The following TXNDC16 variants were observed in gnomAD, a reference collection of about 807,000 sequenced individuals.
TXNDC16 encodes the protein thioredoxin domain containing 16, also known as thioredoxin domain-containing protein 16.
TXNDC16 carries 74 observed loss-of-function variants against 85.6 expected under a neutral mutation model. The observed-to-expected ratio is 0.86, with a 90% CI of 0.72 to 1.05. The LOEUF (loss-of-function observed/expected upper bound fraction) is 1.05, where lower values mean the gene tolerates loss of function less well. TXNDC16 is among the 50% of genes least tolerant of loss of function. The pLI is 0.00. For synonymous variants in TXNDC16, 335 were observed against 326.5 expected, an observed-to-expected ratio of 1.03 and a Z score of -0.28; for missense variants, 959 against 947.0, an observed-to-expected ratio of 1.01 and a Z score of -0.17.
At chr14:52,474,263 C>T (rs1762349606) in intron 14 of TXNDC16, among the ~76,000 whole-genome samples, 1 of 152,134 alleles carries the variant, frequency 6.6e-6, no homozygotes, top group African/African-American at 2.4e-5. Context: ...TAATCATATT[C>T]TTGAGGAACA....
At position 52,470,567 on chromosome 14, in the gene TXNDC16, G is replaced by C. The variant is rs2035883402; in HGVS notation, c.1426C>G (p.Pro476Ala). Residue 476 changes from proline (P) to alanine (A), a missense_variant, in exon 15 of 21, where the codon CCA becomes GCA. Transcript: ENST00000281741. ...CCTAACATTCCAGCATAAGATACTGGGTTCTCGCCTTTCTTGTACATCTTT... is the reference window on the plus strand; with the variant it reads ...CCTAACATTCCAGCATAAGATACTGCGTTCTCGCCTTTCTTGTACATCTTT... ...IIKMYKKGEN[P>A]VSYAGMLGTE... 4 of 1,613,758 alleles carry C rather than the reference G, an allele frequency of 2.5e-6. No homozygotes were observed. The highest frequency in any genetic ancestry group is 3.4e-6 in the Non-Finnish European group (4 of 1,179,880).
At chr14:52,504,260 C>T (rs181736746) in intron 9 of TXNDC16, among the ~76,000 whole-genome samples, 11 of 152,072 alleles carry the variant, frequency 7.2e-5, no homozygotes, top group African/African-American at 2.7e-4. Flanking sequence ...CTCCAAGACA[C>T]ATAATTGTCA....
At chr14:52,514,181 G>A (rs1267017173) in intron 8 of TXNDC16, among the ~76,000 whole-genome samples, 1 of 152,090 alleles carries the variant, frequency 6.6e-6, no homozygotes. Flanking sequence ...GCCTCTAAAT[G>A]TAGAGCTGTA....
At chr14:52,458,471 C>A (rs80324240) in intron 16 of TXNDC16, among the ~76,000 whole-genome samples, 1 of 152,074 alleles carries the variant, frequency 6.6e-6, no homozygotes, top group African/African-American at 2.4e-5. Flanking sequence ...GCATGAGAAT[C>A]GCTTGAATTT....
intron 7 of TXNDC16, among the ~76,000 whole-genome samples, chr14:52,516,187 T>C (rs2037078845): frequency 6.6e-6 from 1 of 152,138 alleles, no homozygotes; most frequent in Non-Finnish European, 1.5e-5. Flanking sequence ...CTCCCTCTCT[T>C]GTGTTGGGTC....
rs1446411198 is a variant in TXNDC16 at position 52,508,021 on chromosome 14, T to C, written c.756+3219A>G. Among the ~76,000 whole-genome samples the C allele has an allele frequency of 4.6e-5, 7 of 152,296 alleles. No homozygotes were observed. The South Asian group carries it at 6.2e-4, about 14-fold the overall frequency. ...TGGGCATGGGCAAGGACTTCATGTC[T>C]AAAACACCAAAAGCAATGGCAACAA... On this transcript the variant is annotated intron_variant, in intron 9 of 20. Transcript: ENST00000281741.
At chr14:52,520,746 T>C (rs2037191294) in intron 6 of TXNDC16, among the ~76,000 whole-genome samples, 2 of 152,190 alleles carry the variant, frequency 1.3e-5, no homozygotes, top group Admixed American at 1.3e-4. Flanking sequence ...CTTCAAAAAA[T>C]TTTGAAAACT....
intron 9 of TXNDC16, among the ~76,000 whole-genome samples, chr14:52,500,079 A>C (rs2140166348): frequency 6.6e-6 from 1 of 152,254 alleles, no homozygotes; most frequent in Non-Finnish European, 1.5e-5. Flanking sequence ...ATTAAAAATG[A>C]AACTACCATA....
intron 18 of TXNDC16, among the ~76,000 whole-genome samples, chr14:52,451,499 T>C (rs1477593778): frequency 6.6e-6 from 1 of 152,156 alleles, no homozygotes; most frequent in African/African-American, 2.4e-5. Context: ...TCATTGATCA[T>C]GTCCATGTAT....
intron 6 of TXNDC16, among the ~76,000 whole-genome samples, chr14:52,530,166 A>G (rs1409170361): frequency 1.2e-4 from 11 of 88,120 alleles, no homozygotes; most frequent in African/African-American, 5.1e-4. Context: ...ATTTATATAT[A>G]TTATATTATA....
intron 3 of TXNDC16, among the ~76,000 whole-genome samples, chr14:52,543,158 A>G (rs2037869290): frequency 6.6e-6 from 1 of 152,194 alleles, no homozygotes; most frequent in African/African-American, 2.4e-5. Flanking sequence ...CAACAAACTT[A>G]TAAAGTACTA....
intron 9 of TXNDC16, among the ~76,000 whole-genome samples, chr14:52,493,216 T>TACACACACACACACAC (rs35747449): frequency 3.4e-5 from 4 of 115,992 alleles, no homozygotes; most frequent in African/African-American, 1.4e-4. Flanking sequence ...TATATATATA[T>TACACACACACACACAC]ACACACACAC....
intron 6 of TXNDC16, among the ~76,000 whole-genome samples, chr14:52,529,013 A>G (rs1355891134): frequency 2.0e-5 from 3 of 147,960 alleles, no homozygotes; most frequent in African/African-American, 7.4e-5. Flanking sequence ...TATTTTATCT[A>G]TATAATACCT....
At chr14:52,478,473 T>C (rs1182454464) in intron 14 of TXNDC16, among the ~76,000 whole-genome samples, 1 of 152,050 alleles carries the variant, frequency 6.6e-6, no homozygotes, top group Non-Finnish European at 1.5e-5. Context: ...AAATAAGCTC[T>C]ATTAGAAACG....
intron 18 of TXNDC16, 25 bp from the exon 19 acceptor site, chr14:52,440,749 A>T (rs967621015): frequency 6.3e-7 from 1 of 1,598,320 alleles, no homozygotes; most frequent in Admixed American, 1.8e-5. Context: ...GAATAACAAC[A>T]ATAAAAAATG....
chr14:52,461,607 T>C (rs1052343685), intron 16 of TXNDC16, among the ~76,000 whole-genome samples: 17 of 152,208 alleles, frequency 1.1e-4, no homozygotes, highest in Non-Finnish European at 8.8e-5. Context: ...AGGGCTCTTT[T>C]GGGTCCTAAA....
intron 14 of TXNDC16, among the ~76,000 whole-genome samples, chr14:52,479,367 C>T (rs186052585): frequency 6.6e-6 from 1 of 152,154 alleles, no homozygotes; most frequent in East Asian, 1.9e-4. Flanking sequence ...AAGAGGAAGT[C>T]AAACTGTTGC....
At chr14:52,466,124 A>C (rs1256100407) in intron 16 of TXNDC16, among the ~76,000 whole-genome samples, 2 of 152,056 alleles carry the variant, frequency 1.3e-5, no homozygotes, top group African/African-American at 2.4e-5. Flanking sequence ...ATGATGCAAT[A>C]AATAATTAAA....
chr14:52,478,321 C>T (rs1029006452), intron 14 of TXNDC16, among the ~76,000 whole-genome samples: 8 of 151,828 alleles, frequency 5.3e-5, no homozygotes, highest in African/African-American at 1.7e-4. Flanking sequence ...AAGGAAGTAA[C>T]CAAGATCAGG....
Sources: gnomAD v4.1 joint callset for allele counts (sites outside exome capture counted in the v4.1 genomes callset) on GRCh38, gnomAD v4.1.1 for gene constraint, MANE v1.5 for transcripts, NCBI Gene and HGNC (gene_info 2026-07-23, HGNC 2026-07-21) for gene names.